Variants in SMC2 observed in about 807,000 individuals in gnomAD.
The protein encoded by SMC2 is structural maintenance of chromosomes protein 2.
SMC2 carries 41 observed loss-of-function variants against 142.6 expected under a neutral mutation model. The observed-to-expected ratio is 0.29, with a 90% CI of 0.22 to 0.37. SMC2 has a LOEUF of 0.37. SMC2 is among the 10% of genes least tolerant of loss of function. The probability of loss-of-function intolerance (pLI) is 1.00; values close to 1 mark genes in which losing one functional copy is unlikely to be tolerated. For synonymous variants in SMC2, 463 were observed against 457.5 expected, an observed-to-expected ratio of 1.01 and a Z score of -0.15; for missense variants, 1,265 against 1,373.7, an observed-to-expected ratio of 0.92 and a Z score of 1.25.
At chr9:104,091,426 C>T (rs1554690981), upstream of SMC2, among the ~76,000 whole-genome samples, 1 of 151,642 alleles carries the variant, frequency 6.6e-6, no homozygotes, top group Non-Finnish European at 1.5e-5. Flanking sequence ...CTTAAGGGAC[C>T]ACAGTCACAT....
At chr9:104,126,869 C>A in intron 19 of SMC2, 85 bp downstream of exon 19, 3 of 1,308,326 alleles carry the variant, frequency 2.3e-6, no homozygotes, top group Non-Finnish European at 3.1e-6. Flanking sequence ...CTTTAGTGTT[C>A]TCAGTCTTTT....
At chr9:104,094,021 G>C (rs1334281943), upstream of SMC2, among the ~76,000 whole-genome samples, 3 of 152,196 alleles carry the variant, frequency 2.0e-5, no homozygotes, top group Non-Finnish European at 4.4e-5. Context: ...GAACTAGAGG[G>C]ACCGAGGCGG....
chr9:104,115,724 ACT>A (rs1047186498), intron 13 of SMC2, among the ~76,000 whole-genome samples: 2 of 151,994 alleles, frequency 1.3e-5, no homozygotes, highest in Non-Finnish European at 2.9e-5. Flanking sequence ...CCTAAAATTT[ACT>A]CTTAGCAAAT....
Position 104,117,642 on chromosome 9 carries a change from G to A in SMC2, c.1792-529G>A, listed in dbSNP as rs560795579. Among the ~76,000 whole-genome samples the A allele has an allele frequency of 3.6e-4, 55 of 152,232 alleles. 1 individual carries two copies. In the South Asian group the frequency reaches 0.011, roughly 32 times the overall value. On this transcript the variant is annotated intron_variant, in intron 14 of 24. Coordinates refer to ENST00000374793, the MANE Select transcript of SMC2 (RefSeq NM_006444.3). ...ATTGAAACAACATTTTCATATAGTT[G>A]TGTTGATCTGGAAATTATAGGTTAA...
upstream of SMC2, chr9:104,091,966 T>C (rs1460230866): frequency 2.6e-5 from 4 of 152,212 alleles, no homozygotes; most frequent in African/African-American, 7.2e-5. Context: ...TTTTAATCCA[T>C]GGTGATGAAG....
chr9:104,133,650 C>A (rs1835220789), intron 22 of SMC2, among the ~76,000 whole-genome samples: 1 of 151,978 alleles, frequency 6.6e-6, no homozygotes, highest in Non-Finnish European at 1.5e-5. Context: ...GCCAAATTCC[C>A]AAATCATCAA....
chr9:104,102,433 G>C lies in SMC2; in HGVS notation c.880G>C (p.Gly294Arg). 6.2e-7 allele frequency: 1 copy of C among 1,605,308 alleles called. No individual in the cohort carries two copies. Among genetic ancestry groups the C allele is most frequent in the Non-Finnish European group, 8.5e-7 (1 of 1,177,026 alleles). Residue 294 changes from glycine (G) to arginine (R), a missense_variant, in exon 9 of 25, where the codon GGT becomes CGT. Gly to Arg is a moderately radical substitution (Grantham distance 125, BLOSUM62 -2). Around this residue, in one of 4 missense-constraint regions of SMC2, gnomAD observed 898 missense variants for 904.2 expected, o/e 0.99. Transcript: ENST00000374793. ...CTGCATTTTGTTATAGGAAACTGGA[G>C]GTATACTTCGATCTTTAGAAGATGC... is the stretch of plus-strand genomic sequence containing the variant. ...LEKRKDKETG[G>R]ILRSLEDALA...
chr9:104,131,442 A>G (rs1834955056), intron 21 of SMC2, among the ~76,000 whole-genome samples: 1 of 152,120 alleles, frequency 6.6e-6, no homozygotes, highest in Admixed American at 6.6e-5. Flanking sequence ...TTGGTGCAGC[A>G]AGCCATCATG....
intron 4 of SMC2, among the ~76,000 whole-genome samples, chr9:104,099,079 C>A (rs1432168150): frequency 6.6e-6 from 1 of 152,112 alleles, no homozygotes; most frequent in Admixed American, 6.5e-5. Context: ...TACACACCTT[C>A]ATAGTTGAAA....
chr9:104,097,522 A>AG (rs1179629445), intron 3 of SMC2, among the ~76,000 whole-genome samples: 57 of 151,500 alleles, frequency 3.8e-4, no homozygotes, highest in African/African-American at 1.3e-3. Flanking sequence ...AAAAAAAAAA[A>AG]AAAAGAAGCG....
chr9:104,129,328 C>T (rs1281968020), intron 20 of SMC2, among the ~76,000 whole-genome samples: 1 of 152,048 alleles, frequency 6.6e-6, no homozygotes, highest in Non-Finnish European at 1.5e-5. Flanking sequence ...CATGGAGAAA[C>T]CCCGTCTCTA....
intron 13 of SMC2, among the ~76,000 whole-genome samples, chr9:104,115,123 T>A (rs1832936608): frequency 6.6e-6 from 1 of 152,178 alleles, no homozygotes; most frequent in Non-Finnish European, 1.5e-5. Context: ...TTGATGTCAG[T>A]CTTCCCATCA....
At chr9:104,106,216 T>G (rs535807664) in intron 9 of SMC2, among the ~76,000 whole-genome samples, 16 of 152,212 alleles carry the variant, frequency 1.1e-4, no homozygotes, top group Non-Finnish European at 1.8e-4. Context: ...CCCATTATCA[T>G]GTTGCTTGGG....
chr9:104,091,061 T>C (rs1169163274), upstream of SMC2, among the ~76,000 whole-genome samples: 2 of 152,212 alleles, frequency 1.3e-5, no homozygotes, highest in Admixed American at 6.5e-5. Context: ...AAATTATACT[T>C]AGCTGTGTTT....
intron 9 of SMC2, among the ~76,000 whole-genome samples, chr9:104,107,203 T>C (rs1327532705): frequency 1.3e-5 from 2 of 152,330 alleles, no homozygotes; most frequent in East Asian, 3.9e-4. Context: ...AGCACCCAAG[T>C]AAGAGTGGGC....
intron 9 of SMC2, among the ~76,000 whole-genome samples, chr9:104,104,040 CT>C (rs1319769306): frequency 1.3e-5 from 2 of 151,946 alleles, no homozygotes; most frequent in African/African-American, 4.8e-5. Context: ...CTTTTTCATC[CT>C]TCTTTTCTGT....
Position 104,139,139 on chromosome 9 carries a change from T to A in SMC2, c.3418T>A (p.Phe1140Ile). Reference sequence around the variant, plus strand: ...TATACTTTTTTCTTTTTTCCTTAAGTTCATTGTGGTGTCACTAAAAGAAGG... The same window carrying A: ...TATACTTTTTTCTTTTTTCCTTAAGATCATTGTGGTGTCACTAAAAGAAGG... Reference protein sequence around the residue: ...MLRTHFTHSQFIVVSLKEGMF... With the variant: ...MLRTHFTHSQIIVVSLKEGMF... Residue 1140 changes from phenylalanine to isoleucine, a missense_variant and splice_region_variant, in exon 25 of 25, where the codon TTC becomes ATC. Phe to Ile is a conservative substitution (Grantham distance 21, BLOSUM62 0). This residue lies in a region of SMC2 where 192 missense variants were observed against 261.9 expected (regional missense o/e 0.73). Transcript: ENST00000374793. 6.5e-7 allele frequency: 1 copy of A among 1,546,130 alleles called. No individual in the cohort carries two copies. Among genetic ancestry groups the A allele is most frequent in the Admixed American group, 2.4e-5 (1 of 41,486 alleles).
At chr9:104,103,404 G>A (rs1316088723) in intron 9 of SMC2, among the ~76,000 whole-genome samples, 1 of 152,174 alleles carries the variant, frequency 6.6e-6, no homozygotes, top group African/African-American at 2.4e-5. Flanking sequence ...GGGTAATACA[G>A]AAGAGAGTTT....
chr9:104,112,122 TTG>T (rs1306763366), intron 10 of SMC2, among the ~76,000 whole-genome samples: 1 of 152,236 alleles, frequency 6.6e-6, no homozygotes, highest in Non-Finnish European at 1.5e-5. Flanking sequence ...GCATTTATTC[TTG>T]TCTCTTTTTG....
Sources: gnomAD v4.1 joint callset for allele counts (sites outside exome capture counted in the v4.1 genomes callset) on GRCh38, gnomAD v4.1.1 for gene constraint, gnomAD v4.1.1 regional missense constraint, MANE v1.5 for transcripts, NCBI Gene and HGNC (gene_info 2026-07-23, HGNC 2026-07-21) for gene names.